Variants in CNTNAP5 observed in about 807,000 individuals in gnomAD.
The protein encoded by CNTNAP5 is contactin associated protein family member 5.
CNTNAP5 carries 72 observed loss-of-function variants against 150.2 expected under a neutral mutation model. The observed-to-expected ratio is 0.48, with a 90% CI of 0.40 to 0.58. The LOEUF is 0.58. Among genes scored for constraint, CNTNAP5 ranks in the 20% least tolerant of loss-of-function variants. The pLI, the probability that CNTNAP5 is intolerant of heterozygous loss-of-function variation, is 0.00. For synonymous variants in CNTNAP5, 672 were observed against 619.8 expected (o/e 1.08, Z -1.25); for missense variants, 1,636 against 1,626.2 (o/e 1.01, Z -0.10).
intron 12 of CNTNAP5, among the ~76,000 whole-genome samples, chr2:124,628,416 T>C (rs1318548901): frequency 6.6e-6 from 1 of 152,172 alleles, no homozygotes; most frequent in Non-Finnish European, 1.5e-5. Flanking sequence ...ATATTCACCA[T>C]TCTTAACAAA....
chr2:124,256,250 A>G (rs1295482816), intron 3 of CNTNAP5, among the ~76,000 whole-genome samples: 1 of 152,198 alleles, frequency 6.6e-6, no homozygotes, highest in Non-Finnish European at 1.5e-5. Flanking sequence ...ATTCAGAGTG[A>G]GCAACTTATA....
chr2:124,165,937 C>A (rs1684803352), intron 1 of CNTNAP5, among the ~76,000 whole-genome samples: 1 of 152,150 alleles, frequency 6.6e-6, no homozygotes, highest in Admixed American at 6.6e-5. Context: ...ACACAACCCC[C>A]AAAACTCCTC....
intron 2 of CNTNAP5, among the ~76,000 whole-genome samples, chr2:124,241,507 T>C (rs1399310169): frequency 1.3e-5 from 2 of 152,188 alleles, no homozygotes; most frequent in Non-Finnish European, 2.9e-5. Context: ...TCTGATCAGC[T>C]CCTGAGGCAT....
At chr2:124,088,594 T>C (rs1682748590) in intron 1 of CNTNAP5, among the ~76,000 whole-genome samples, 1 of 151,950 alleles carries the variant, frequency 6.6e-6, no homozygotes, top group Non-Finnish European at 1.5e-5. Context: ...TTTTTTACAC[T>C]GTGCTAGCAG....
intron 1 of CNTNAP5, among the ~76,000 whole-genome samples, chr2:124,045,667 C>G (rs77843588): frequency 2.0e-5 from 3 of 152,090 alleles, no homozygotes; most frequent in African/African-American, 7.2e-5. Context: ...TAACACCCTC[C>G]GATTTTAAAA....
At chr2:124,042,103 C>T (rs564724013) in intron 1 of CNTNAP5, among the ~76,000 whole-genome samples, 7 of 152,282 alleles carry the variant, frequency 4.6e-5, no homozygotes, top group African/African-American at 1.7e-4. Context: ...TTAGGTGACC[C>T]ACCTGCCTCG....
intron 18 of CNTNAP5, among the ~76,000 whole-genome samples, chr2:124,793,621 T>C (rs1031289068): frequency 1.1e-4 from 16 of 152,164 alleles, no homozygotes; most frequent in African/African-American, 3.1e-4. Flanking sequence ...AAGATCATGG[T>C]TTCTCCTAAG....
At chr2:124,510,576 T>C (rs1414944919) in intron 8 of CNTNAP5, among the ~76,000 whole-genome samples, 1 of 147,530 alleles carries the variant, frequency 6.8e-6, no homozygotes, top group Non-Finnish European at 1.5e-5. Context: ...AAATAGGTCA[T>C]ACTTTCTTCA....
At chr2:124,487,716 G>A (rs896551076) in intron 7 of CNTNAP5, among the ~76,000 whole-genome samples, 2 of 151,958 alleles carry the variant, frequency 1.3e-5, no homozygotes, top group African/African-American at 4.8e-5. Context: ...TTTCTCTATA[G>A]GCTTCTAGTA....
chr2:124,147,934 G>A (rs1684294376), intron 1 of CNTNAP5, among the ~76,000 whole-genome samples: 1 of 152,174 alleles, frequency 6.6e-6, no homozygotes, highest in African/African-American at 2.4e-5. Flanking sequence ...GAATAAAGCC[G>A]GCCGTTAGCC....
rs564353258 is a variant in CNTNAP5, at chr2:124,699,992, T to C, written c.2078-47237T>C. ...AACCCAAAATGAAACCCTGTACTTG[T>C]TAGCAACTTCTCTCCATTCTCTTCT... On this transcript the variant is annotated intron_variant, in intron 13 of 23. Transcript: ENST00000682447. Among the ~76,000 whole-genome samples the C allele has an allele frequency of 1.8e-4, 28 of 152,340 alleles. No individual in the cohort carries two copies. In the East Asian group the frequency reaches 4.6e-3, roughly 25 times the overall value.
At chr2:124,605,163 C>G (rs976881027) in intron 11 of CNTNAP5, among the ~76,000 whole-genome samples, 2 of 152,190 alleles carry the variant, frequency 1.3e-5, no homozygotes, top group African/African-American at 4.8e-5. Flanking sequence ...TTACCACCAC[C>G]CAGCCTGGCT....
At chr2:124,270,000 A>T (rs1024182005) in intron 3 of CNTNAP5, among the ~76,000 whole-genome samples, 15 of 152,282 alleles carry the variant, frequency 9.9e-5, no homozygotes, top group East Asian at 3.9e-4. Flanking sequence ...TATATTTTTT[A>T]AAAAATATAC....
At chr2:124,124,476 T>C (rs1478179166) in intron 1 of CNTNAP5, among the ~76,000 whole-genome samples, 2 of 152,170 alleles carry the variant, frequency 1.3e-5, no homozygotes, top group African/African-American at 4.8e-5. Context: ...GGAACCAAGT[T>C]GGAAAACACT....
intron 1 of CNTNAP5, among the ~76,000 whole-genome samples, chr2:124,060,723 G>A (rs1409876929): frequency 6.6e-6 from 1 of 152,162 alleles, no homozygotes; most frequent in Non-Finnish European, 1.5e-5. Flanking sequence ...TCCATACCTG[G>A]AGATTCAGAA....
At chr2:124,538,120 T>G (rs974154461) in intron 10 of CNTNAP5, among the ~76,000 whole-genome samples, 4 of 152,190 alleles carry the variant, frequency 2.6e-5, no homozygotes, top group African/African-American at 9.6e-5. Flanking sequence ...TGTCAACGTA[T>G]CAGGAAGAAA....
chr2:124,352,512 A>AGAGT (rs1689895204), intron 3 of CNTNAP5, among the ~76,000 whole-genome samples: 1 of 152,224 alleles, frequency 6.6e-6, no homozygotes, highest in Non-Finnish European at 1.5e-5. Context: ...AAGAGTTTTC[A>AGAGT]GAGTCCTCGG....
intron 3 of CNTNAP5, among the ~76,000 whole-genome samples, chr2:124,331,633 A>T (rs753972445): frequency 7.2e-5 from 11 of 152,096 alleles, no homozygotes; most frequent in Admixed American, 2.0e-4. Context: ...AGGATCACAG[A>T]TTATTACAAA....
chr2:124,147,933 C>T (rs374266289), intron 1 of CNTNAP5, among the ~76,000 whole-genome samples: 11 of 152,256 alleles, frequency 7.2e-5, no homozygotes, highest in Admixed American at 3.3e-4. Context: ...CGAATAAAGC[C>T]GGCCGTTAGC....
Sources: allele counts gnomAD v4.1 joint callset (sites outside exome capture counted in the v4.1 genomes callset), GRCh38; gene constraint gnomAD v4.1.1; transcripts MANE v1.5; gene names NCBI Gene and HGNC (gene_info 2026-07-23, HGNC 2026-07-21).